CCDC3: variants seen among roughly 807,000 people sequenced by gnomAD.
The protein encoded by CCDC3 is coiled-coil domain containing 3.
Under a neutral mutation model 21.4 loss-of-function variants are expected in CCDC3, and 24 were observed. The ratio of observed to expected loss-of-function variants is 1.12; its 90% CI spans 0.81 to 1.58. CCDC3 has a LOEUF of 1.58. Among genes scored for constraint, CCDC3 ranks in the 40% most tolerant of loss-of-function variants. CCDC3 has a pLI of 0.00. For synonymous variants in CCDC3, 186 were observed against 166.0 expected, an observed-to-expected ratio of 1.12 and a Z score of -0.93; for missense variants, 425 against 360.9, an observed-to-expected ratio of 1.18 and a Z score of -1.44.
chr10:13,032,620 G>A (rs948862205), intron 5 of CCDC3, among the ~76,000 whole-genome samples: 27 of 152,190 alleles, frequency 1.8e-4, no homozygotes, highest in Non-Finnish European at 3.5e-4. Flanking sequence ...ATCTCCTTAA[G>A]CGGATAAGCA....
intron 5 of CCDC3, among the ~76,000 whole-genome samples, chr10:13,017,524 A>AAC (rs777981328): frequency 6.7e-6 from 1 of 148,876 alleles, no homozygotes; most frequent in East Asian, 1.9e-4. Flanking sequence ...CTCAAAAAAA[A>AAC]AAAAAAAGAA....
intron 2 of CCDC3, among the ~76,000 whole-genome samples, chr10:12,903,034 C>T (rs1834116902): frequency 6.6e-6 from 1 of 152,138 alleles, no homozygotes; most frequent in Non-Finnish European, 1.5e-5. Context: ...TCCTCGTGGC[C>T]TCTAATATGG....
rs1373014602 is a variant in CCDC3, at chr10:13,042,767, G to C, written c.-2+6907C>G. Among the ~76,000 whole-genome samples, 4 of 152,004 alleles carry C rather than the reference G, an allele frequency of 2.6e-5. No homozygotes were observed. The South Asian group carries it at 8.3e-4, about 32-fold the overall frequency. ...ACTAAAAATACAAAAAAATTAGCCG[G>C]GTGTGGTGGCGGGCGCCTGTAGTCC... On this transcript the variant is annotated intron_variant, in intron 5 of 6. Coordinates refer to the CCDC3 transcript ENST00000378839.
intron 2 of CCDC3, among the ~76,000 whole-genome samples, chr10:12,912,961 A>G (rs1834293288): frequency 6.6e-6 from 1 of 152,206 alleles, no homozygotes; most frequent in South Asian, 2.1e-4. Flanking sequence ...TTCAATTGGT[A>G]GATTTCTATT....
At position 12,966,833 on chromosome 10, in the gene CCDC3, T is replaced by C. The variant is rs144456879; in HGVS notation, c.549+31505A>G. On this transcript the variant is annotated intron_variant, in intron 2 of 2. Coordinates refer to ENST00000378825, the MANE Select transcript of CCDC3 (RefSeq NM_031455.4). ...GTTCTAAAATGAAGAGGTTTAACCA[T>C]ACCTTACTTTGTATAGCACTTGACA... Among the ~76,000 whole-genome samples, 7 of 152,344 alleles carry C rather than the reference T, an allele frequency of 4.6e-5. No individual in the cohort carries two copies. The East Asian group carries it at 1.3e-3, about 29-fold the overall frequency.
At chr10:12,993,349 G>T (rs1358793015) in intron 2 of CCDC3, among the ~76,000 whole-genome samples, 1 of 152,162 alleles carries the variant, frequency 6.6e-6, no homozygotes, top group African/African-American at 2.4e-5. Context: ...CATTCCTCTG[G>T]AAATGGCAGA....
chr10:13,022,662 G>A (rs1836162193), intron 5 of CCDC3, among the ~76,000 whole-genome samples: 1 of 152,162 alleles, frequency 6.6e-6, no homozygotes, highest in South Asian at 2.1e-4. Context: ...CATTATCAGA[G>A]TTGTTAACAG....
At chr10:13,063,899 C>G (rs181290617) in intron 4 of CCDC3, among the ~76,000 whole-genome samples, 1 of 151,948 alleles carries the variant, frequency 6.6e-6, no homozygotes, top group Admixed American at 6.5e-5. Context: ...TACACTCATT[C>G]TTAGTGTGAG....
In CCDC3 at chr10:13,020,778, A is replaced by C. The variant is rs1265375290; in HGVS notation, c.-1-22266T>G. ...CACAGTGATAACGTAGGGAGGAGGC[A>C]TGGAATAACAACTTTACCAAGAATA... On this transcript the variant is annotated intron_variant, in intron 5 of 6. Transcript: ENST00000378839. 2.0e-5 allele frequency among the ~76,000 whole-genome samples: 3 copies of C among 152,254 alleles called. No individual in the cohort carries two copies. In the East Asian group the frequency reaches 5.8e-4, roughly 29 times the overall value.
At chr10:12,918,045 G>T (rs1176646132) in intron 2 of CCDC3, among the ~76,000 whole-genome samples, 2 of 152,042 alleles carry the variant, frequency 1.3e-5, no homozygotes, top group African/African-American at 2.4e-5. Flanking sequence ...TGGTATGAAG[G>T]GAGTATATAA....
chr10:12,902,617 TAACATC>T (rs1834112073), intron 2 of CCDC3, among the ~76,000 whole-genome samples: 1 of 152,152 alleles, frequency 6.6e-6, no homozygotes, highest in African/African-American at 2.4e-5. Context: ...GGCTGGAACA[TAACATC>T]AAAGAAGAGT....
chr10:12,966,276 A>G (rs1589024384), intron 2 of CCDC3, among the ~76,000 whole-genome samples: 1 of 151,982 alleles, frequency 6.6e-6, no homozygotes, highest in East Asian at 1.9e-4. Flanking sequence ...ATATTACTAT[A>G]TGAGCAAGGT....
At chr10:12,927,043 A>G (rs1396228236) in intron 2 of CCDC3, among the ~76,000 whole-genome samples, 2 of 152,208 alleles carry the variant, frequency 1.3e-5, no homozygotes, top group African/African-American at 4.8e-5. Context: ...ACCAAGAAAG[A>G]GGCCCCAAGA....
chr10:13,098,457 G>T (rs1456297973), intron 3 of CCDC3: 1 of 152,264 alleles, frequency 6.6e-6, no homozygotes, highest in Non-Finnish European at 1.5e-5. Flanking sequence ...GGGATTACAG[G>T]TGTGAGCCAC....
At chr10:12,899,547 C>A (rs1375915008) in intron 2 of CCDC3, among the ~76,000 whole-genome samples, 1 of 152,090 alleles carries the variant, frequency 6.6e-6, no homozygotes, top group Non-Finnish European at 1.5e-5. Context: ...ACAAAAAATA[C>A]CCATCAAGAG....
intron 2 of CCDC3, among the ~76,000 whole-genome samples, chr10:12,976,969 C>T (rs1256923173): frequency 2.0e-5 from 3 of 152,152 alleles, no homozygotes; most frequent in Admixed American, 2.0e-4. Flanking sequence ...AGAATGGTGT[C>T]CCCCACTCGA....
intron 2 of CCDC3, among the ~76,000 whole-genome samples, chr10:12,940,225 A>C (rs1834799319): frequency 8.0e-6 from 1 of 124,482 alleles, no homozygotes; most frequent in African/African-American, 3.0e-5. Context: ...GAATCATTGA[A>C]ATTGTTTTTT....
chr10:12,980,292 G>A (rs1374261757), intron 2 of CCDC3, among the ~76,000 whole-genome samples: 1 of 152,244 alleles, frequency 6.6e-6, no homozygotes, highest in Admixed American at 6.5e-5. Context: ...AACCAGCCAG[G>A]GGAACTGAAG....
intron 2 of CCDC3, among the ~76,000 whole-genome samples, chr10:12,973,531 G>A (rs1211088970): frequency 1.3e-5 from 2 of 152,204 alleles, no homozygotes; most frequent in African/African-American, 4.8e-5. Flanking sequence ...AGCCAACCAT[G>A]TTCTTCCTAC....
Sources: gnomAD v4.1 joint callset for allele counts (sites outside exome capture counted in the v4.1 genomes callset) on GRCh38, gnomAD v4.1.1 for gene constraint, MANE v1.5 for transcripts, NCBI Gene and HGNC (gene_info 2026-07-23, HGNC 2026-07-21) for gene names.